STT3B: variants seen among roughly 807,000 people sequenced by gnomAD.
The protein encoded by STT3B is dolichyl-diphosphooligosaccharide--protein glycosyltransferase subunit STT3B.
Under a neutral mutation model 96.8 loss-of-function variants are expected in STT3B, and 29 were observed. That is an observed-to-expected ratio of 0.30 (90% confidence interval 0.22 to 0.41). The LOEUF is 0.41. Among genes scored for constraint, STT3B ranks in the 10% least tolerant of loss-of-function variants. The probability of loss-of-function intolerance (pLI) is 1.00; values close to 1 mark genes in which losing one functional copy is unlikely to be tolerated. For synonymous variants in STT3B, 367 were observed against 360.0 expected, an observed-to-expected ratio of 1.02 and a Z score of -0.22; for missense variants, 640 against 1,022.3, an observed-to-expected ratio of 0.63 and a Z score of 5.10.
At chr3:31,544,335 A>T (rs191474671) in intron 1 of STT3B, among the ~76,000 whole-genome samples, 43 of 152,354 alleles carry the variant, frequency 2.8e-4, no homozygotes, top group Admixed American at 1.6e-3. Context: ...TCTTCATTAA[A>T]GTGTCTTTGC....
At chr3:31,590,482 GT>G (rs1483460540) in intron 3 of STT3B, among the ~76,000 whole-genome samples, 1 of 151,872 alleles carries the variant, frequency 6.6e-6, no homozygotes, top group East Asian at 1.9e-4. Flanking sequence ...AATATGTGGT[GT>G]TTTCATTGTC....
intron 5 of STT3B, among the ~76,000 whole-genome samples, chr3:31,600,978 A>T (rs533732237): frequency 2.0e-5 from 3 of 152,300 alleles, no homozygotes; most frequent in African/African-American, 7.2e-5. Context: ...ATTTTCCATG[A>T]TAGAGTTAGA....
At chr3:31,631,990 G>A (rs548670716) in intron 14 of STT3B, among the ~76,000 whole-genome samples, 15 of 151,954 alleles carry the variant, frequency 9.9e-5, no homozygotes, top group Non-Finnish European at 2.1e-4. Flanking sequence ...TGAGTAGCTG[G>A]GACTACAGGC....
At chr3:31,555,858 G>T (rs187302773) in intron 1 of STT3B, among the ~76,000 whole-genome samples, 1 of 151,948 alleles carries the variant, frequency 6.6e-6, no homozygotes, top group Non-Finnish European at 1.5e-5. Context: ...AGTTATTTAG[G>T]GGTATCCATC....
intron 1 of STT3B, among the ~76,000 whole-genome samples, chr3:31,557,873 G>T (rs1173531743): frequency 2.6e-5 from 4 of 152,088 alleles, no homozygotes; most frequent in African/African-American, 7.2e-5. Context: ...CTCGTGATCC[G>T]CCCGCCTCAG....
In STT3B at chr3:31,573,828, C is replaced by T. The variant is rs555682335; in HGVS notation, c.315-2568C>T. ...AAGACTTGGGTGAATGACATCCTTTCGGCAGAGATTTTAGAGTGAATTAAT... is the reference window on the plus strand; with the variant it reads ...AAGACTTGGGTGAATGACATCCTTTTGGCAGAGATTTTAGAGTGAATTAAT... On this transcript the variant is annotated intron_variant, in intron 1 of 15. Transcript: ENST00000295770. Among the ~76,000 whole-genome samples, 65 of 152,056 alleles carry T rather than the reference C, an allele frequency of 4.3e-4. 1 individual carries two copies. Among genetic ancestry groups the T allele is most frequent in the Middle Eastern group, 6.8e-3 (2 of 294 alleles).
rs780210451 is a variant in STT3B, at chr3:31,579,889, C to T, written c.504C>T (p.Asp168=). Residue 168 remains aspartate, a synonymous_variant, in exon 3 of 16, where the codon GAC becomes GAT. Coordinates refer to ENST00000295770, the MANE Select transcript of STT3B (RefSeq NM_178862.3). The part of the protein sequence containing the change: ...NTLNITVHIR[D]VCVFLAPTFS... The stretch of plus-strand genomic sequence containing the variant: ...TGAACATAACTGTTCACATAAGAGA[C>T]GTATGTGTGTTCCTTGCACCAACTT... 34 of 1,613,582 alleles carry T rather than the reference C, an allele frequency of 2.1e-5. No individual in the cohort carries two copies. The highest frequency in any genetic ancestry group is 2.0e-4 in the East Asian group (9 of 44,876).
intron 3 of STT3B, among the ~76,000 whole-genome samples, chr3:31,590,410 A>G (rs1309338286): frequency 6.6e-6 from 1 of 151,880 alleles, no homozygotes; most frequent in Non-Finnish European, 1.5e-5. Flanking sequence ...CTACTTTTCT[A>G]GTATAACTAT....
rs1559379867 is a variant in STT3B at position 31,596,789 on chromosome 3, G to T, written c.712-9G>T. On this transcript the variant is annotated splice_polypyrimidine_tract_variant and intron_variant, in intron 3 of 15. Transcript: ENST00000295770. The stretch of plus-strand genomic sequence containing the variant: ...CATTTTTATTATATCAGTTGCTTTT[G>T]TTTTTTAGGTAAAATCTGTAAAAAC... 6.2e-7 allele frequency: 1 copy of T among 1,602,208 alleles called. No individual in the cohort carries two copies. The highest frequency in any genetic ancestry group is 2.2e-5 in the East Asian group (1 of 44,740).
intron 7 of STT3B, 129 bp from the exon 8 acceptor site, chr3:31,617,811 A>G (rs1699339989): frequency 1.4e-6 from 1 of 703,080 alleles, no homozygotes; most frequent in East Asian, 2.7e-5. Context: ...GTTGACACCT[A>G]TAAATGAAAA....
At chr3:31,630,837 C>T (rs2125480034) in intron 14 of STT3B, among the ~76,000 whole-genome samples, 1 of 151,916 alleles carries the variant, frequency 6.6e-6, no homozygotes, top group Non-Finnish European at 1.5e-5. Flanking sequence ...CGCTCTGTCG[C>T]CCAGGCTGGA....
intron 3 of STT3B, among the ~76,000 whole-genome samples, chr3:31,582,022 T>A (rs1698417279): frequency 6.6e-6 from 1 of 152,174 alleles, no homozygotes; most frequent in Admixed American, 6.5e-5. Context: ...TCTTGTTCCC[T>A]ATGGAATCAG....
chr3:31,615,034 C>T (rs1035714719), intron 5 of STT3B, 71 bp from the exon 6 acceptor site: 1 of 873,546 alleles, frequency 1.1e-6, no homozygotes, highest in Admixed American at 2.6e-5. Context: ...ACAGGATTTA[C>T]ATATACATTT....
intron 1 of STT3B, among the ~76,000 whole-genome samples, chr3:31,544,027 C>A (rs1360522696): frequency 6.6e-6 from 1 of 152,134 alleles, no homozygotes; most frequent in Admixed American, 6.5e-5. Context: ...TTTAATTGAA[C>A]TTGAGAAATA....
At chr3:31,617,713 T>C (rs1699338656) in intron 7 of STT3B, among the ~76,000 whole-genome samples, 1 of 152,014 alleles carries the variant, frequency 6.6e-6, no homozygotes, top group African/African-American at 2.4e-5. Flanking sequence ...TTATCTCAAA[T>C]GTGTTTCTCT....
At chr3:31,579,074 G>C (rs1231970244) in intron 2 of STT3B, among the ~76,000 whole-genome samples, 1 of 152,068 alleles carries the variant, frequency 6.6e-6, no homozygotes, top group Non-Finnish European at 1.5e-5. Flanking sequence ...CCTGTTCACT[G>C]TTCTTGAATC....
intron 13 of STT3B, among the ~76,000 whole-genome samples, chr3:31,627,226 G>A (rs777356615): frequency 4.6e-5 from 7 of 152,148 alleles, no homozygotes; most frequent in Non-Finnish European, 7.3e-5. Context: ...CCTGAGCTCC[G>A]CCTCCTATCA....
At chr3:31,612,061 C>T (rs1699193513) in intron 5 of STT3B, among the ~76,000 whole-genome samples, 1 of 152,090 alleles carries the variant, frequency 6.6e-6, no homozygotes, top group South Asian at 2.1e-4. Flanking sequence ...TTTGAAAATT[C>T]AAAACTTTCT....
At position 31,617,041 on chromosome 3, in the gene STT3B, T is replaced by C. The variant is rs868743586; in HGVS notation, c.1089T>C (p.Ala363=). ...FFLGVSLAAG[A]VFLSVIYLTY... The stretch of plus-strand genomic sequence containing the variant: ...TGGGTGTATCACTAGCTGCAGGTGC[T>C]GTGTTCCTTAGTGTCATCTATTTGA... The change falls in exon 7 of 16, where the codon GCT becomes GCC. Residue 363 remains alanine, a synonymous_variant. Transcript: ENST00000295770. The C allele has an allele frequency of 6.2e-7, 1 of 1,611,078 alleles. No homozygotes were observed. Among genetic ancestry groups the C allele is most frequent in the Non-Finnish European group, 8.5e-7 (1 of 1,177,796 alleles).
Sources: allele counts gnomAD v4.1 joint callset (sites outside exome capture counted in the v4.1 genomes callset), GRCh38; gene constraint gnomAD v4.1.1; transcripts MANE v1.5; gene names NCBI Gene and HGNC (gene_info 2026-07-23, HGNC 2026-07-21).